UNC80: variants seen among roughly 807,000 people sequenced by gnomAD.
The protein encoded by UNC80 is unc-80 subunit of NALCN channel complex.
A neutral mutation model predicts 384.6 loss-of-function variants in UNC80; 164 were observed. That is an observed-to-expected ratio of 0.43 (90% CI 0.38 to 0.49). UNC80 has a LOEUF of 0.49. Ranked by LOEUF, UNC80 falls within the 20% of genes least tolerant of loss-of-function variation. The pLI is 0.00. For missense variants in UNC80, 3,330 were observed against 4,143.0 expected, an observed-to-expected ratio of 0.80 and a Z score of 5.39; for synonymous variants, 1,486 against 1,527.8, an observed-to-expected ratio of 0.97 and a Z score of 0.64.
intron 60 of UNC80, among the ~76,000 whole-genome samples, chr2:209,984,196 T>A (rs1010902543): frequency 1.6e-4 from 24 of 152,294 alleles, no homozygotes; most frequent in African/African-American, 5.5e-4. Flanking sequence ...ACCTGACAGG[T>A]TTCTTCTTTT....
chr2:209,797,743 C>G (rs1298157075), intron 7 of UNC80, among the ~76,000 whole-genome samples: 1 of 152,148 alleles, frequency 6.6e-6, no homozygotes, highest in African/African-American at 2.4e-5. Context: ...ATGCTATCTT[C>G]CACAACGGTT....
At chr2:209,777,213 G>C in intron 3 of UNC80, 45 bp from the exon 4 acceptor site, 1 of 1,531,536 alleles carries the variant, frequency 6.5e-7, no homozygotes, top group South Asian at 1.3e-5. Flanking sequence ...TATTGCCCTG[G>C]TCACAGAGTT....
At chr2:209,890,694 C>T (rs1459515359) in intron 26 of UNC80, among the ~76,000 whole-genome samples, 1 of 152,216 alleles carries the variant, frequency 6.6e-6, no homozygotes, top group Non-Finnish European at 1.5e-5. Flanking sequence ...TTCTGTAAAA[C>T]TGGGTTAACA....
chr2:209,921,467 C>G (rs1185050735), intron 33 of UNC80, 33 bp from the exon 34 acceptor site: 2 of 1,521,364 alleles, frequency 1.3e-6, no homozygotes, highest in Non-Finnish European at 1.8e-6. Flanking sequence ...AGAAGAATTG[C>G]TATTAAATGA....
At chr2:209,881,912 A>G (rs1490818368) in intron 25 of UNC80, among the ~76,000 whole-genome samples, 1 of 149,644 alleles carries the variant, frequency 6.7e-6, no homozygotes. Context: ...TAAACAATCT[A>G]TGTGTTTCCA....
At position 209,945,300 on chromosome 2, in the gene UNC80, AAATC is replaced by A. The variant is rs535684043; in HGVS notation, c.7189+114_7189+117del. 178 of 1,129,612 alleles carry A rather than the reference AAATC, an allele frequency of 1.6e-4. 1 individual carries two copies. The South Asian group carries it at 3.9e-3, about 25-fold the overall frequency. 70.0% of individuals were successfully genotyped at this position (1,129,612 alleles called of 1,614,324 possible). On this transcript the variant is annotated intron_variant, in intron 46 of 64. Coordinates refer to ENST00000673920, the MANE Select transcript of UNC80 (RefSeq NM_001371986.1). ...TTTATATGTGTGTGTATATATAACT[AAATC>A]AAAGTAGCAAAAATAAATGGAACAG...
intron 7 of UNC80, among the ~76,000 whole-genome samples, chr2:209,803,909 A>T (rs1262886447): frequency 6.6e-6 from 1 of 151,626 alleles, no homozygotes; most frequent in Non-Finnish European, 1.5e-5. Flanking sequence ...TTTTAAAAAC[A>T]TTTTTTTTGT....
chr2:209,789,209 T>C (rs2077643777), intron 5 of UNC80, among the ~76,000 whole-genome samples: 1 of 148,562 alleles, frequency 6.7e-6, no homozygotes, highest in African/African-American at 2.6e-5. Flanking sequence ...TGCATGACTG[T>C]ATATGTAAAA....
In UNC80 at chr2:209,941,129, G is replaced by T. The variant is rs752914946; in HGVS notation, c.6647-92G>T. 4 of 1,390,890 alleles carry T rather than the reference G, an allele frequency of 2.9e-6. No individual in the cohort carries two copies. In the South Asian group the frequency reaches 5.1e-5, roughly 18 times the overall value. 86.2% of individuals were successfully genotyped at this position (1,390,890 alleles called of 1,614,324 possible). A position where few individuals can be genotyped will look rare whatever the true frequency, so the allele number is the denominator to read the frequency against. On this transcript the variant is annotated intron_variant, in intron 43 of 64. Coordinates refer to ENST00000673920, the MANE Select transcript of UNC80 (RefSeq NM_001371986.1). ...TTCACATCCTGGAGCTGGAACAAACGGAGAACAGCAGCGCCTTGGGTTTGA... is the reference window on the plus strand; with the variant it reads ...TTCACATCCTGGAGCTGGAACAAACTGAGAACAGCAGCGCCTTGGGTTTGA...
At chr2:209,865,079 G>C (rs1205028584) in intron 22 of UNC80, among the ~76,000 whole-genome samples, 1 of 152,140 alleles carries the variant, frequency 6.6e-6, no homozygotes, top group Non-Finnish European at 1.5e-5. Flanking sequence ...CCTTGGCTTG[G>C]GGGAGGACAC....
chr2:209,901,601 G>A (rs2087410094), intron 28 of UNC80, among the ~76,000 whole-genome samples: 1 of 152,150 alleles, frequency 6.6e-6, no homozygotes. Flanking sequence ...AGATCAAGGT[G>A]TATTTTGACT....
intron 7 of UNC80, among the ~76,000 whole-genome samples, chr2:209,812,323 G>T (rs2079424617): frequency 6.6e-6 from 1 of 151,784 alleles, no homozygotes; most frequent in Non-Finnish European, 1.5e-5. Flanking sequence ...GCCTCCCAAA[G>T]TGCTGGGATT....
At chr2:209,884,010 C>CT (rs1356270516) in intron 25 of UNC80, among the ~76,000 whole-genome samples, 2 of 152,138 alleles carry the variant, frequency 1.3e-5, no homozygotes, top group East Asian at 3.9e-4. Flanking sequence ...AATTAGTGTG[C>CT]TTCCCCCCCT....
At chr2:209,838,264 C>A (rs898614448) in intron 18 of UNC80, among the ~76,000 whole-genome samples, 68 of 148,442 alleles carry the variant, frequency 4.6e-4, no homozygotes, top group South Asian at 1.1e-3. Flanking sequence ...CCCCACCCCC[C>A]ACCCCGCACC....
intron 10 of UNC80, among the ~76,000 whole-genome samples, 152 bp downstream of exon 10, chr2:209,817,277 G>T (rs1330153128): frequency 6.6e-6 from 1 of 152,082 alleles, no homozygotes; most frequent in Non-Finnish European, 1.5e-5. Flanking sequence ...AAATAATGCT[G>T]TGTTTTCACA....
At chr2:209,830,432 A>G (rs567566697) in intron 15 of UNC80, among the ~76,000 whole-genome samples, 1 of 152,188 alleles carries the variant, frequency 6.6e-6, no homozygotes, top group Non-Finnish European at 1.5e-5. Flanking sequence ...ACTATTTGAG[A>G]TAGAAATTAT....
intron 28 of UNC80, among the ~76,000 whole-genome samples, chr2:209,901,245 G>A (rs2087365312): frequency 6.6e-6 from 1 of 152,202 alleles, no homozygotes; most frequent in Admixed American, 6.5e-5. Flanking sequence ...TGATTCTCTT[G>A]TTAGGGGTTA....
intron 38 of UNC80, among the ~76,000 whole-genome samples, chr2:209,932,464 C>T (rs990390090): frequency 6.6e-6 from 1 of 152,166 alleles, no homozygotes; most frequent in Non-Finnish European, 1.5e-5. Flanking sequence ...CAAAGAGGGA[C>T]TGGAGATGAG....
chr2:209,881,654 C>T (rs192275623), intron 25 of UNC80, among the ~76,000 whole-genome samples: 8 of 151,474 alleles, frequency 5.3e-5, no homozygotes, highest in South Asian at 2.1e-4. Flanking sequence ...CACACACATG[C>T]GTGCATGCAT....
Sources: allele counts gnomAD v4.1 joint callset (sites outside exome capture counted in the v4.1 genomes callset), GRCh38; gene constraint gnomAD v4.1.1; transcripts MANE v1.5; gene names NCBI Gene and HGNC (gene_info 2026-07-23, HGNC 2026-07-21).